The following ERBB4 variants were observed in gnomAD, a reference collection of about 807,000 sequenced individuals.
ERBB4 encodes receptor tyrosine-protein kinase erbB-4.
ERBB4 carries 42 observed loss-of-function variants against 158.0 expected under a neutral mutation model. That is an observed-to-expected ratio of 0.27 (90% CI 0.21 to 0.34). The LOEUF is 0.34. ERBB4 is among the 10% of genes least tolerant of loss of function. The probability of loss-of-function intolerance (pLI) is 1.00; values close to 1 mark genes in which losing one functional copy is unlikely to be tolerated. For synonymous variants in ERBB4, 583 were observed against 558.7 expected, an observed-to-expected ratio of 1.04 and a Z score of -0.61; for missense variants, 1,333 against 1,624.1, an observed-to-expected ratio of 0.82 and a Z score of 3.08.
intron 25 of ERBB4, 86 bp downstream of exon 25, chr2:211,420,355 T>G (rs2063488556): frequency 2.1e-6 from 2 of 948,938 alleles, no homozygotes; most frequent in Admixed American, 2.0e-5. Context: ...AGCTATATAA[T>G]TATTTTGAAA....
intron 2 of ERBB4, among the ~76,000 whole-genome samples, chr2:212,087,720 T>C (rs1164673993): frequency 6.6e-6 from 1 of 152,046 alleles, no homozygotes; most frequent in African/African-American, 2.4e-5. Context: ...CTATAAAACA[T>C]GTTTGCTGCA....
At chr2:211,865,393 C>T (rs1012693148) in intron 3 of ERBB4, among the ~76,000 whole-genome samples, 1 of 152,102 alleles carries the variant, frequency 6.6e-6, no homozygotes, top group Non-Finnish European at 1.5e-5. Context: ...CTTGGAGCAG[C>T]TAGGCCTAAA....
At chr2:212,132,175 C>T (rs1379781196) in intron 1 of ERBB4, among the ~76,000 whole-genome samples, 5 of 152,096 alleles carry the variant, frequency 3.3e-5, no homozygotes, top group Non-Finnish European at 7.4e-5. Context: ...ACTTTTTCTT[C>T]TGGGGACAAA....
At chr2:211,408,977 A>AAAAT (rs1437061136) in intron 25 of ERBB4, among the ~76,000 whole-genome samples, 1 of 152,234 alleles carries the variant, frequency 6.6e-6, no homozygotes, top group Non-Finnish European at 1.5e-5. Context: ...GATATTTTTC[A>AAAAT]AAATAGTACT....
chr2:211,454,662 A>AG (rs997687483), intron 20 of ERBB4, among the ~76,000 whole-genome samples: 15 of 152,322 alleles, frequency 9.8e-5, no homozygotes, highest in African/African-American at 3.4e-4. Context: ...GATGTCAGTC[A>AG]GGGGGTTATT....
intron 16 of ERBB4, among the ~76,000 whole-genome samples, chr2:211,649,569 T>C (rs1027575077): frequency 4.0e-5 from 6 of 151,894 alleles, no homozygotes; most frequent in African/African-American, 1.2e-4. Flanking sequence ...AAATTTATCT[T>C]GCTCTGTTCA....
chr2:212,118,712 A>C (rs542754784), intron 2 of ERBB4, among the ~76,000 whole-genome samples: 4 of 149,994 alleles, frequency 2.7e-5, no homozygotes, highest in Non-Finnish European at 4.4e-5. Flanking sequence ...ATTTCTCCAA[A>C]GTTTTTTTAA....
At chr2:211,454,385 T>C (rs1223326888) in intron 20 of ERBB4, among the ~76,000 whole-genome samples, 1 of 152,172 alleles carries the variant, frequency 6.6e-6, no homozygotes, top group Non-Finnish European at 1.5e-5. Flanking sequence ...CATCACAAAA[T>C]TGAAAATAAA....
chr2:211,415,354 C>A (rs1263165066), intron 25 of ERBB4, among the ~76,000 whole-genome samples: 1 of 151,752 alleles, frequency 6.6e-6, no homozygotes, highest in Non-Finnish European at 1.5e-5. Context: ...CTCCTGACCT[C>A]ATGATCCGCC....
intron 3 of ERBB4, among the ~76,000 whole-genome samples, chr2:211,924,537 CAA>C (rs1036869811): frequency 3.3e-5 from 5 of 151,738 alleles, no homozygotes; most frequent in African/African-American, 1.2e-4. Flanking sequence ...TTTTTTTCAT[CAA>C]GAGTGTTAGA....
chr2:212,077,183 A>G (rs956594865), intron 2 of ERBB4, among the ~76,000 whole-genome samples: 1 of 152,090 alleles, frequency 6.6e-6, no homozygotes, highest in Non-Finnish European at 1.5e-5. Context: ...TTGTTATGGT[A>G]CATACGTATT....
chr2:212,420,610 T>C (rs1393295011), intron 1 of ERBB4, among the ~76,000 whole-genome samples: 2 of 152,228 alleles, frequency 1.3e-5, no homozygotes, highest in East Asian at 3.9e-4. Flanking sequence ...TTTTTGCTTG[T>C]TCGTTGTAAC....
chr2:212,053,004 A>C (rs2077445098), intron 2 of ERBB4, among the ~76,000 whole-genome samples: 1 of 152,246 alleles, frequency 6.6e-6, no homozygotes, highest in East Asian at 1.9e-4. Flanking sequence ...TGGGGTTTCC[A>C]TAACAACTAT....
chr2:212,441,693 A>T (rs1340979316), intron 1 of ERBB4, among the ~76,000 whole-genome samples: 1 of 119,550 alleles, frequency 8.4e-6, no homozygotes, highest in Non-Finnish European at 1.5e-5. Context: ...TTGGGGAGTT[A>T]AAAAAAAAAG....
intron 2 of ERBB4, among the ~76,000 whole-genome samples, chr2:212,102,090 T>TTATTTATATATATATATATA (rs2079101660): frequency 9.3e-6 from 1 of 107,978 alleles, no homozygotes; most frequent in Non-Finnish European, 2.1e-5. Context: ...AAAATTTATT[T>TTATTTATATATATATATATA]TATATATATA....
chr2:211,450,125 G>A (rs1295994507), intron 20 of ERBB4, among the ~76,000 whole-genome samples: 2 of 152,168 alleles, frequency 1.3e-5, no homozygotes, highest in Non-Finnish European at 2.9e-5. Context: ...CTGGTTTCAG[G>A]TCTAAGGAAT....
chr2:212,461,071 A>G (rs1688548579), intron 1 of ERBB4, among the ~76,000 whole-genome samples: 1 of 152,130 alleles, frequency 6.6e-6, no homozygotes, highest in African/African-American at 2.4e-5. Context: ...GCTGCAGGGG[A>G]AGGGCTCTCA....
intron 1 of ERBB4, among the ~76,000 whole-genome samples, chr2:212,349,106 A>T (rs1288264727): frequency 1.3e-5 from 2 of 152,172 alleles, no homozygotes; most frequent in Non-Finnish European, 2.9e-5. Context: ...AGGTATCATG[A>T]GGTGATATGT....
chr2:211,661,966 G>A (rs1192605572), intron 15 of ERBB4, among the ~76,000 whole-genome samples: 7 of 142,276 alleles, frequency 4.9e-5, no homozygotes, highest in Admixed American at 7.2e-5. Flanking sequence ...GTGAACCCGG[G>A]AGGCGGAGCT....
Sources: allele counts gnomAD v4.1 joint callset (sites outside exome capture counted in the v4.1 genomes callset), GRCh38; gene constraint gnomAD v4.1.1; transcripts MANE v1.5; gene names NCBI Gene and HGNC (gene_info 2026-07-23, HGNC 2026-07-21).